Variants in IQCE observed in about 807,000 individuals in gnomAD.
IQCE encodes IQ motif containing E.
IQCE carries 115 observed loss-of-function variants against 96.0 expected under a neutral mutation model. That is an observed-to-expected ratio of 1.20 (90% CI 1.03 to 1.40). The LOEUF (loss-of-function observed/expected upper bound fraction) is 1.40. IQCE is among the 40% of genes most tolerant of loss of function. The pLI is 0.00. For synonymous variants in IQCE, 412 were observed against 371.2 expected, an observed-to-expected ratio of 1.11 and a Z score of -1.26; for missense variants, 1,041 against 909.1, an observed-to-expected ratio of 1.15 and a Z score of -1.87.
chr7:2,610,017 C>A, intron 21 of IQCE, 27 bp from the exon 22 acceptor site: 1 of 1,307,194 alleles, frequency 7.6e-7, no homozygotes, highest in Non-Finnish European at 1.1e-6. Flanking sequence ...CGTGGCTGAC[C>A]CCTCTCCCTG....
intron 16 of IQCE, 51 bp from the exon 17 acceptor site, chr7:2,598,414 G>A (rs1784207127): frequency 2.0e-6 from 3 of 1,501,180 alleles, no homozygotes; most frequent in Middle Eastern, 1.8e-4. Context: ...CCGGATACTG[G>A]TTGTCCCTGC....
At chr7:2,576,548 T>A (rs1782137746) in intron 6 of IQCE, among the ~76,000 whole-genome samples, 2 of 152,046 alleles carry the variant, frequency 1.3e-5, no homozygotes, top group Non-Finnish European at 2.9e-5. Context: ...TACAGGTGCG[T>A]GCCACCACAC....
intron 16 of IQCE, among the ~76,000 whole-genome samples, chr7:2,596,358 C>T (rs557082505): frequency 6.7e-6 from 1 of 148,880 alleles, no homozygotes; most frequent in African/African-American, 2.5e-5. Flanking sequence ...TCTGAAAACA[C>T]TATTGAAATA....
Position 2,584,634 on chromosome 7 carries a change from C to G in IQCE, c.824+349C>G, listed in dbSNP as rs546173580. 3 of 233,632 alleles carry G rather than the reference C, an allele frequency of 1.3e-5. No homozygotes were observed. The East Asian group carries it at 3.1e-4, about 24-fold the overall frequency. The allele number at this position is 233,632 out of a possible 1,614,324, so 14.5% of individuals were successfully genotyped here. On this transcript the variant is annotated intron_variant, in intron 11 of 21. Transcript: ENST00000402050. Reference sequence around the variant, plus strand: ...ACACAAGGACAAGTTTACTTTGCCACCTAATGTTTTCCTAAATAAGTTTAT... The same window carrying G: ...ACACAAGGACAAGTTTACTTTGCCAGCTAATGTTTTCCTAAATAAGTTTAT...
chr7:2,582,137 C>G (rs1782720338), intron 8 of IQCE: 11 of 454,712 alleles, frequency 2.4e-5, no homozygotes, highest in South Asian at 1.5e-4. Context: ...GCTCCTCAGG[C>G]CCCTACGGCC....
At chr7:2,609,953 C>T (rs1438268820) in intron 21 of IQCE, 91 bp from the exon 22 acceptor site, 2 of 733,040 alleles carry the variant, frequency 2.7e-6, no homozygotes, top group East Asian at 2.5e-5. Flanking sequence ...GTCTTGCCTG[C>T]CGGGGAAGAG....
intron 1 of IQCE, among the ~76,000 whole-genome samples, chr7:2,562,766 C>A (rs1351298460): frequency 6.7e-6 from 1 of 150,182 alleles, no homozygotes; most frequent in Admixed American, 6.6e-5. Flanking sequence ...TTATTCCTTT[C>A]TTTTACTTCC....
Position 2,578,328 on chromosome 7 carries a change from G to C in IQCE, c.552G>C (p.Gln184His). 2 of 1,614,170 alleles carry C rather than the reference G, an allele frequency of 1.2e-6. No homozygotes were observed. The highest frequency in any genetic ancestry group is 1.7e-6 in the Non-Finnish European group (2 of 1,179,982). Residue 184 changes from glutamine (Q) to histidine (H), a missense_variant, in exon 7 of 22, where the codon CAG becomes CAC. Transcript: ENST00000402050. ...AGGAAAACAGCAGGAAGGACCGGCA[G>C]ATAGAGCAGCTCCTGGATCCCAGCC... ...LEEENSRKDRQIEQLLDPSRG... is the reference protein window; with the variant it reads ...LEEENSRKDRHIEQLLDPSRG...
intron 16 of IQCE, among the ~76,000 whole-genome samples, chr7:2,595,584 G>T (rs939708497): frequency 6.6e-6 from 1 of 152,168 alleles, no homozygotes; most frequent in Admixed American, 6.5e-5. Flanking sequence ...TAGTCGCGGC[G>T]GCGTCTCTGT....
At position 2,612,431 on chromosome 7, in the gene IQCE, G is replaced by C. The variant is rs952764703; in HGVS notation, c.*2269G>C. 6.6e-6 allele frequency: 1 copy of C among 152,386 alleles called. No homozygotes were observed. The highest frequency in any genetic ancestry group is 2.4e-5 in the African/African-American group (1 of 41,454). 9.4% of individuals were successfully genotyped at this position (152,386 alleles called of 1,614,324 possible). On this transcript the variant is annotated 3_prime_UTR_variant, in exon 22 of 22. Transcript: ENST00000402050. ...TTTTGTTCCATGGAGACAGTACCAA[G>C]CGGAGAGGCCTCCTTGCCCACGGCC... is the stretch of plus-strand genomic sequence containing the variant.
chr7:2,563,029 G>A (rs754240545), intron 1 of IQCE, among the ~76,000 whole-genome samples: 1 of 152,000 alleles, frequency 6.6e-6, no homozygotes, highest in African/African-American at 2.4e-5. Flanking sequence ...GGGCTTGAGT[G>A]ATCCTCCTGC....
At chr7:2,589,799 C>G in intron 13 of IQCE, 108 bp from the exon 14 acceptor site, 2 of 1,062,250 alleles carry the variant, frequency 1.9e-6, no homozygotes, top group Non-Finnish European at 2.8e-6. Context: ...TTTCTCATGG[C>G]CCTGCTGGAG....
chr7:2,587,162 C>A (rs1299334203), intron 12 of IQCE, among the ~76,000 whole-genome samples: 1 of 152,028 alleles, frequency 6.6e-6, no homozygotes, highest in African/African-American at 2.4e-5. Flanking sequence ...GGCTTTTTGT[C>A]CCAGCAGCTG....
intron 12 of IQCE, 142 bp downstream of exon 12, chr7:2,586,513 C>G (rs1733597207): frequency 1.1e-6 from 1 of 871,450 alleles, no homozygotes; most frequent in South Asian, 1.8e-5. Context: ...CCCACATGTG[C>G]CAGCACCTGC....
rs551121285 is a variant in IQCE at position 2,593,224 on chromosome 7, G to A, written c.1349+98G>A. 8.4e-5 allele frequency: 124 copies of A among 1,474,078 alleles called. 1 individual carries two copies. The African/African-American group carries it at 1.6e-3, about 19-fold the overall frequency. The allele number at this position is 1,474,078 out of a possible 1,614,324, so 91.3% of individuals were successfully genotyped here. On this transcript the variant is annotated intron_variant, in intron 15 of 21. Transcript: ENST00000402050. ...GGCGTCTCAGCCTTGCTGCCAGCCG[G>A]CTTCTTAGAAAGGCCACACCTCCTC...
intron 2 of IQCE, among the ~76,000 whole-genome samples, chr7:2,568,034 G>T (rs577194338): frequency 6.6e-6 from 1 of 152,160 alleles, no homozygotes; most frequent in Non-Finnish European, 1.5e-5. Context: ...TTATCTGCTC[G>T]GTCTAGTGCA....
rs1435415693 is a variant in IQCE at position 2,587,811 on chromosome 7, G to A, written c.989-11G>A. On this transcript the variant is annotated splice_polypyrimidine_tract_variant and intron_variant, in intron 12 of 21. Transcript: ENST00000402050. ...CAGGATGCCGTTTTGAAACCGCATT[G>A]CTTCCATCAGGTTATGTGGAGTGGA... 6.2e-7 allele frequency: 1 copy of A among 1,613,838 alleles called. No homozygotes were observed. The highest frequency in any genetic ancestry group is 1.3e-5 in the African/African-American group (1 of 74,936).
At position 2,582,651 on chromosome 7, in the gene IQCE, G is replaced by T. The variant is rs1000274801; in HGVS notation, c.701+1G>T. The T allele has an allele frequency of 1.2e-6, 2 of 1,613,336 alleles. No homozygotes were observed. The highest frequency in any genetic ancestry group is 2.7e-5 in the African/African-American group (2 of 74,908). On this transcript the variant is annotated splice_donor_variant, in intron 9 of 21. Transcript: ENST00000402050. LOFTEE classifies it high-confidence loss of function. ...GCAAGGAGAAGGACGGCACCATCAGGTGGGCGCAGGGCTGCACCCTCTCCC... is the reference window on the plus strand; with the variant it reads ...GCAAGGAGAAGGACGGCACCATCAGTTGGGCGCAGGGCTGCACCCTCTCCC...
intron 7 of IQCE, 37 bp from the exon 8 acceptor site, chr7:2,578,439 C>T (rs969122006): frequency 2.7e-5 from 43 of 1,613,848 alleles, no homozygotes; most frequent in Non-Finnish European, 3.6e-5. Context: ...GGGGCTACAC[C>T]GAAGGCCGTC....
Sources: allele counts gnomAD v4.1 joint callset (sites outside exome capture counted in the v4.1 genomes callset), GRCh38; gene constraint gnomAD v4.1.1; transcripts MANE v1.5; gene names NCBI Gene and HGNC (gene_info 2026-07-23, HGNC 2026-07-21).